The following MFHAS1 variants were observed in gnomAD, a reference collection of about 807,000 sequenced individuals.
MFHAS1 encodes the protein malignant fibrous histiocytoma-amplified sequence 1.
A neutral mutation model predicts 70.4 loss-of-function variants in MFHAS1; 50 were observed. That is an observed-to-expected ratio of 0.71 (90% CI 0.57 to 0.90). The LOEUF (loss-of-function observed/expected upper bound fraction) is 0.90. Ranked by LOEUF, MFHAS1 falls within the 40% of genes least tolerant of loss-of-function variation. MFHAS1 has a pLI of 0.00. For synonymous variants in MFHAS1, 952 were observed against 620.0 expected (o/e 1.54, Z -7.96); for missense variants, 1,795 against 1,347.6 (o/e 1.33, Z -5.20).
Position 8,891,336 on chromosome 8 carries a change from C to A in MFHAS1, c.1723G>T (p.Val575Leu), listed in dbSNP as rs770967867. The change falls in exon 1 of 3, where the codon GTG (valine) becomes TTG (leucine). Residue 575 changes from valine to leucine, a missense_variant. Coordinates refer to ENST00000276282, the MANE Select transcript of MFHAS1 (RefSeq NM_004225.3). This position sits in a 1 kb window ranked among gnomAD's most constrained non-coding sequence, Gnocchi z 5.4. ...DAEGLSRLAK[V>L]VDEALARDFE... ...TCCCGGGCCAGTGCCTCGTCCACCA[C>A]CTTGGCCAAGCGGCTCAGTCCCTCC... 4.0e-5 allele frequency: 65 copies of A among 1,611,182 alleles called. No homozygotes were observed. Among genetic ancestry groups the A allele is most frequent in the Non-Finnish European group, 5.1e-5 (60 of 1,180,050 alleles).
chr8:8,803,528 A>G (rs568497717), intron 1 of MFHAS1, among the ~76,000 whole-genome samples: 24 of 151,472 alleles, frequency 1.6e-4, no homozygotes, highest in Non-Finnish European at 2.8e-4. Context: ...AAAAAAAAAA[A>G]AAAGAAAGAA....
At chr8:8,822,724 G>C (rs554529142) in intron 1 of MFHAS1, among the ~76,000 whole-genome samples, 39 of 148,466 alleles carry the variant, frequency 2.6e-4, no homozygotes, top group African/African-American at 9.0e-4. Context: ...GACCAAGTCA[G>C]GGAGACTGAG....
At chr8:8,849,435 T>C (rs1430084631) in intron 1 of MFHAS1, among the ~76,000 whole-genome samples, 4 of 152,298 alleles carry the variant, frequency 2.6e-5, no homozygotes, top group African/African-American at 7.2e-5. Flanking sequence ...AGCAAGTAAT[T>C]TCAGTTCACT....
intron 1 of MFHAS1, among the ~76,000 whole-genome samples, chr8:8,805,447 TGA>T (rs1806253433): frequency 6.6e-6 from 1 of 152,192 alleles, no homozygotes; most frequent in Non-Finnish European, 1.5e-5. Context: ...GAGACAATCT[TGA>T]GAGAGAATAT....
At chr8:8,873,666 T>G (rs1297944882) in intron 1 of MFHAS1, among the ~76,000 whole-genome samples, 2 of 152,032 alleles carry the variant, frequency 1.3e-5, no homozygotes, top group African/African-American at 4.8e-5. Context: ...GTGTAGAAAA[T>G]ACAACGGTGT....
chr8:8,869,476 C>T (rs73190098), intron 1 of MFHAS1, among the ~76,000 whole-genome samples: 2,858 of 152,230 alleles, frequency 0.019, 60 homozygotes, highest in South Asian at 0.062. Flanking sequence ...TATAAAGTCT[C>T]TTATTTCTAT....
chr8:8,817,955 C>A (rs1290213639), intron 1 of MFHAS1, among the ~76,000 whole-genome samples: 1 of 152,190 alleles, frequency 6.6e-6, no homozygotes, highest in African/African-American at 2.4e-5. Flanking sequence ...CCTAACAGCC[C>A]ATGAACTGGT....
Position 8,890,977 on chromosome 8 carries a change from A to G in MFHAS1, c.2082T>C (p.Gly694=). ...WDSARLGLQA[G]LTEDRLQSAL... ...CACTCTGCAGTCGGTCCTCGGTCAG[A>G]CCCGCCTGCAGGCCCAAGCGCGCCG... The change falls in exon 1 of 3, where the codon GGT becomes GGC. Residue 694 remains glycine, a synonymous_variant. Transcript: ENST00000276282. The G allele has an allele frequency of 6.2e-7, 1 of 1,611,838 alleles. No homozygotes were observed. Among genetic ancestry groups the G allele is most frequent in the Non-Finnish European group, 8.5e-7 (1 of 1,179,288 alleles).
At chr8:8,787,294 A>T (rs781707923) in intron 2 of MFHAS1, among the ~76,000 whole-genome samples, 4 of 152,128 alleles carry the variant, frequency 2.6e-5, no homozygotes, top group Non-Finnish European at 5.9e-5. Flanking sequence ...GTTAGCCAGG[A>T]TGATCTTGAT....
At chr8:8,880,216 C>T (rs563218939) in intron 1 of MFHAS1, among the ~76,000 whole-genome samples, 1 of 152,260 alleles carries the variant, frequency 6.6e-6, no homozygotes, top group South Asian at 2.1e-4. Context: ...TAAGTTACAC[C>T]TTGGAAAGAA....
At chr8:8,848,731 T>C (rs1409412011) in intron 1 of MFHAS1, among the ~76,000 whole-genome samples, 1 of 152,224 alleles carries the variant, frequency 6.6e-6, no homozygotes, top group African/African-American at 2.4e-5. Context: ...ACGTGTTTTT[T>C]AAAGCAAACA....
rs781189412 is a variant in MFHAS1, at chr8:8,892,038, G to T, written c.1021C>A (p.Leu341Met). ...AGCACGAGCTCCTCCAGGCCGGTCA[G>T]CTCCACGATGGAGTCCGGCAGGTAG... Reference protein sequence around the residue: ...IRYLPDSIVELTGLEELVLQG... With the variant: ...IRYLPDSIVEMTGLEELVLQG... The change falls in exon 1 of 3, where the codon CTG (leucine) becomes ATG (methionine). Residue 341 changes from leucine to methionine, a missense_variant. Physicochemically the swap from Leu to Met is conservative, Grantham distance 15. Transcript: ENST00000276282. This position sits in a 1 kb window ranked among gnomAD's most constrained non-coding sequence, Gnocchi z 4.7. The T allele has an allele frequency of 1.9e-6, 3 of 1,613,508 alleles. No homozygotes were observed. The highest frequency in any genetic ancestry group is 1.1e-5 in the South Asian group (1 of 91,086).
At chr8:8,810,140 G>A (rs904461306) in intron 1 of MFHAS1, among the ~76,000 whole-genome samples, 3 of 152,214 alleles carry the variant, frequency 2.0e-5, no homozygotes, top group African/African-American at 7.2e-5. Context: ...GCCGAGGCGG[G>A]CAGATTGCTT....
chr8:8,869,808 T>A (rs538974735), intron 1 of MFHAS1, among the ~76,000 whole-genome samples: 16 of 152,222 alleles, frequency 1.1e-4, no homozygotes, highest in African/African-American at 3.9e-4. Context: ...CCTGGGAAGG[T>A]TCAAGAGCTC....
chr8:8,830,734 C>A (rs1265523667), intron 1 of MFHAS1, among the ~76,000 whole-genome samples: 1 of 152,172 alleles, frequency 6.6e-6, no homozygotes, highest in Non-Finnish European at 1.5e-5. Flanking sequence ...TCCCGAGTAG[C>A]TGGGATTACA....
intron 1 of MFHAS1, among the ~76,000 whole-genome samples, chr8:8,871,671 A>T (rs895427899): frequency 6.6e-6 from 1 of 152,284 alleles, no homozygotes; most frequent in Non-Finnish European, 1.5e-5. Flanking sequence ...ATTTTTACCT[A>T]TTTACAGACG....
chr8:8,788,674 G>A (rs748403285), intron 2 of MFHAS1, among the ~76,000 whole-genome samples: 2 of 152,208 alleles, frequency 1.3e-5, no homozygotes, highest in Admixed American at 6.5e-5. Context: ...CCAAGACTCT[G>A]TCTCAAACAA....
chr8:8,824,598 G>T (rs1232043340), intron 1 of MFHAS1, among the ~76,000 whole-genome samples: 1 of 150,920 alleles, frequency 6.6e-6, no homozygotes, highest in African/African-American at 2.5e-5. Flanking sequence ...AGAAGAAAAT[G>T]ATTCTTGCCA....
rs1805492827 is a variant in MFHAS1, at chr8:8,785,154, T to G, written c.*868A>C. On this transcript the variant is annotated 3_prime_UTR_variant, in exon 3 of 3. Coordinates refer to ENST00000276282, the MANE Select transcript of MFHAS1 (RefSeq NM_004225.3). ...TCTTAAGCCATTAAAAGACTCAAGT[T>G]TTGCATGGACTTTTTGTCCTCTTTG... 1 of 152,174 alleles carries G rather than the reference T, an allele frequency of 6.6e-6. No homozygotes were observed. Among genetic ancestry groups the G allele is most frequent in the Non-Finnish European group, 1.5e-5 (1 of 68,034 alleles). 9.4% of individuals were successfully genotyped at this position (152,174 alleles called of 1,614,324 possible). A position where few individuals can be genotyped will look rare whatever the true frequency, so the allele number is the denominator to read the frequency against.
Sources: allele counts gnomAD v4.1 joint callset (sites outside exome capture counted in the v4.1 genomes callset), GRCh38; gene constraint gnomAD v4.1.1; non-coding constraint Gnocchi (gnomAD v3.1); transcripts MANE v1.5; gene names NCBI Gene and HGNC (gene_info 2026-07-23, HGNC 2026-07-21).